Variants in GLIS3 observed in about 807,000 individuals in gnomAD.
GLIS3 encodes GLIS family zinc finger 3.
GLIS3 carries 53 observed loss-of-function variants against 78.6 expected under a neutral mutation model. The ratio of observed to expected loss-of-function variants is 0.67; its 90% CI spans 0.54 to 0.85. The LOEUF (loss-of-function observed/expected upper bound fraction) is 0.85, where lower values mean the gene tolerates loss of function less well. Ranked by LOEUF, GLIS3 falls within the 40% of genes least tolerant of loss-of-function variation. The pLI, the probability that GLIS3 is intolerant of heterozygous loss-of-function variation, is 0.00. For synonymous variants in GLIS3, 684 were observed against 509.9 expected (o/e 1.34, Z -4.60); for missense variants, 1,703 against 1,231.1 (o/e 1.38, Z -5.74).
the GLIS3 span, among the ~76,000 whole-genome samples, chr9:4,431,648 C>G: frequency 6.6e-6 from 1 of 152,090 alleles, no homozygotes; most frequent in East Asian, 1.9e-4. Flanking sequence ...AGTTCGAGAC[C>G]AGCCTGACCA....
At chr9:4,417,245 C>T in the GLIS3 span, among the ~76,000 whole-genome samples, 2 of 152,118 alleles carry the variant, frequency 1.3e-5, no homozygotes, top group African/African-American at 4.8e-5. Flanking sequence ...CTAAATGACT[C>T]ACGGTTAACA....
chr9:4,209,800 T>C (rs1488543256), intron 2 of GLIS3, among the ~76,000 whole-genome samples: 1 of 116,722 alleles, frequency 8.6e-6, no homozygotes, highest in Non-Finnish European at 1.8e-5. Context: ...TCCACCAGAA[T>C]CCAGTAGCAT....
At chr9:4,136,623 G>T (rs1455144008) in intron 2 of GLIS3, among the ~76,000 whole-genome samples, 1 of 152,094 alleles carries the variant, frequency 6.6e-6, no homozygotes, top group Non-Finnish European at 1.5e-5. Flanking sequence ...CTTTAGAAAA[G>T]AATAAGCTAA....
intron 2 of GLIS3, among the ~76,000 whole-genome samples, chr9:4,209,986 G>T (rs1157966651): frequency 1.3e-5 from 2 of 152,150 alleles, no homozygotes; most frequent in Admixed American, 1.3e-4. Context: ...TCAGTCTATG[G>T]CTTAACATCA....
At chr9:4,210,180 G>C (rs1394686545) in intron 2 of GLIS3, among the ~76,000 whole-genome samples, 1 of 152,148 alleles carries the variant, frequency 6.6e-6, no homozygotes, top group Non-Finnish European at 1.5e-5. Context: ...CCTAATTCCA[G>C]TAATAGAAGC....
chr9:4,370,494 T>C, the GLIS3 span, among the ~76,000 whole-genome samples: 2 of 152,164 alleles, frequency 1.3e-5, no homozygotes, highest in Admixed American at 6.5e-5. Flanking sequence ...GTTCCTTTCC[T>C]TCATTATTCC....
chr9:4,100,375 G>C (rs1830274650), intron 4 of GLIS3, among the ~76,000 whole-genome samples: 1 of 152,190 alleles, frequency 6.6e-6, no homozygotes, highest in Non-Finnish European at 1.5e-5. Context: ...GAGAGTATTT[G>C]TATGTTTTAA....
At chr9:4,233,948 T>G (rs940246992) in intron 2 of GLIS3, among the ~76,000 whole-genome samples, 1 of 152,214 alleles carries the variant, frequency 6.6e-6, no homozygotes, top group East Asian at 1.9e-4. Context: ...TTTTTTTCCT[T>G]AAACTTCATA....
At chr9:4,098,998 T>C (rs1443381477) in intron 4 of GLIS3, among the ~76,000 whole-genome samples, 1 of 152,146 alleles carries the variant, frequency 6.6e-6, no homozygotes, top group Non-Finnish European at 1.5e-5. Flanking sequence ...GACCAGAATG[T>C]GTCCCGAAGA....
chr9:4,272,975 G>C (rs1398488529), intron 2 of GLIS3, among the ~76,000 whole-genome samples: 1 of 152,184 alleles, frequency 6.6e-6, no homozygotes, highest in African/African-American at 2.4e-5. Context: ...GGGAGATACA[G>C]GTTTAAAATA....
At chr9:4,388,210 C>G in the GLIS3 span, among the ~76,000 whole-genome samples, 1 of 152,178 alleles carries the variant, frequency 6.6e-6, no homozygotes, top group East Asian at 1.9e-4. Context: ...CCCTTTTCCA[C>G]TTCTATGTTC....
chr9:4,244,068 G>C (rs564731612), intron 2 of GLIS3, among the ~76,000 whole-genome samples: 2 of 152,094 alleles, frequency 1.3e-5, no homozygotes, highest in Non-Finnish European at 2.9e-5. Flanking sequence ...TTTCCTTTCT[G>C]AATTCCACTC....
At chr9:4,015,282 GA>G (rs565510598) in intron 4 of GLIS3, among the ~76,000 whole-genome samples, 49 of 152,172 alleles carry the variant, frequency 3.2e-4, no homozygotes, top group Non-Finnish European at 6.0e-4. Flanking sequence ...CCCAGGTAAA[GA>G]GTCTAACCTT....
chr9:4,267,705 G>A (rs1298417401), intron 2 of GLIS3, among the ~76,000 whole-genome samples: 4 of 152,066 alleles, frequency 2.6e-5, no homozygotes, highest in Non-Finnish European at 5.9e-5. Context: ...ATAAAACAAC[G>A]ATAAGAAGAA....
intron 2 of GLIS3, among the ~76,000 whole-genome samples, chr9:4,126,338 G>GA (rs1341865474): frequency 6.6e-6 from 1 of 152,096 alleles, no homozygotes; most frequent in Non-Finnish European, 1.5e-5. Context: ...GACACTACTG[G>GA]AAAAAACCTG....
chr9:4,160,820 G>A (rs1358357993), intron 2 of GLIS3, among the ~76,000 whole-genome samples: 2 of 152,136 alleles, frequency 1.3e-5, no homozygotes, highest in African/African-American at 2.4e-5. Context: ...GACTTCAAAA[G>A]AATATTTAAA....
At chr9:4,243,707 T>G (rs1318560989) in intron 2 of GLIS3, among the ~76,000 whole-genome samples, 2 of 152,222 alleles carry the variant, frequency 1.3e-5, no homozygotes, top group Non-Finnish European at 2.9e-5. Context: ...AATGCCTCCC[T>G]GGCAGTTTTC....
At chr9:4,123,687 A>G (rs1832356468) in intron 3 of GLIS3, 3 of 395,048 alleles carry the variant, frequency 7.6e-6, no homozygotes, top group Non-Finnish European at 1.3e-5. Flanking sequence ...GTAGATTACT[A>G]GATCAATTTA....
chr9:4,116,174 T>C (rs1301270268), intron 4 of GLIS3, among the ~76,000 whole-genome samples: 1 of 152,256 alleles, frequency 6.6e-6, no homozygotes, highest in Non-Finnish European at 1.5e-5. Context: ...TTTATGTTTA[T>C]TTCAGTAAAG....
Sources: allele counts gnomAD v4.1 joint callset (sites outside exome capture counted in the v4.1 genomes callset), GRCh38; gene constraint gnomAD v4.1.1; transcripts MANE v1.5; gene names NCBI Gene and HGNC (gene_info 2026-07-23, HGNC 2026-07-21).